Variants in MINDY2 observed in about 807,000 individuals in gnomAD.
MINDY2 encodes the protein MINDY lysine 48 deubiquitinase 2, also known as ubiquitin carboxyl-terminal hydrolase MINDY-2.
MINDY2 carries 52 observed loss-of-function variants against 68.2 expected under a neutral mutation model. The ratio of observed to expected loss-of-function variants is 0.76; its 90% CI spans 0.61 to 0.96. The LOEUF (loss-of-function observed/expected upper bound fraction) is 0.96, where lower values mean the gene tolerates loss of function less well. MINDY2 is among the 40% of genes least tolerant of loss of function. MINDY2 has a pLI of 0.00. For synonymous variants in MINDY2, 372 were observed against 303.0 expected, an observed-to-expected ratio of 1.23 and a Z score of -2.36; for missense variants, 881 against 773.4, an observed-to-expected ratio of 1.14 and a Z score of -1.65.
At chr15:58,852,287 C>CAAAAAAAAAAA (rs60365490) in intron 8 of MINDY2, among the ~76,000 whole-genome samples, 33,142 of 61,666 alleles carry the variant, frequency 0.54, 12,250 homozygotes, top group Non-Finnish European at 0.67. Flanking sequence ...GACTCCTTCT[C>CAAAAAAAAAAA]AAAAAAAAAA....
At chr15:58,792,898 A>G (rs1302328370) in intron 2 of MINDY2, among the ~76,000 whole-genome samples, 1 of 152,120 alleles carries the variant, frequency 6.6e-6, no homozygotes, top group African/African-American at 2.4e-5. Flanking sequence ...GCTACTTGGG[A>G]GGCTGAGGTG....
At chr15:58,846,624 A>G (rs577450188) in intron 6 of MINDY2, among the ~76,000 whole-genome samples, 2 of 151,828 alleles carry the variant, frequency 1.3e-5, no homozygotes, top group East Asian at 3.9e-4. Context: ...AATCTCATGT[A>G]ACCCACAAAT....
chr15:58,771,639 T>C lies in MINDY2; in HGVS notation c.244T>C (p.Ser82Pro). 1 of 1,612,264 alleles carries C rather than the reference T, an allele frequency of 6.2e-7. No homozygotes were observed. Among genetic ancestry groups the C allele is most frequent in the Non-Finnish European group, 8.5e-7 (1 of 1,179,858 alleles). Residue 82 changes from serine (S) to proline (P), a missense_variant, in exon 1 of 9, where the codon TCC (serine) becomes CCC (proline). Physicochemically the swap from Ser to Pro is moderately conservative, Grantham distance 74. Transcript: ENST00000559228. ...TGAGGTTCCCGGACCCTGCAGCTCC[T>C]CCGCGGGTTTGGACTTGAAGGACAG... ...SPEVPGPCSS[S>P]AGLDLKDSGL...
intron 1 of MINDY2, among the ~76,000 whole-genome samples, chr15:58,780,402 CA>C (rs1339111068): frequency 1.1e-3 from 141 of 128,518 alleles, no homozygotes; most frequent in South Asian, 1.2e-3. Flanking sequence ...AACTCCATCT[CA>C]AAAAAAAAAA....
At chr15:58,796,105 A>G (rs1902264680) in intron 2 of MINDY2, 1 of 455,858 alleles carries the variant, frequency 2.2e-6, no homozygotes, top group East Asian at 6.9e-5. Flanking sequence ...GAGGCAAGGA[A>G]ATGGAGCCTC....
chr15:58,856,018 A>T lies in MINDY2; in HGVS notation c.*1408A>T. ...ATAAAACTATAACCTCATAGTGTTT[A>T]TAAGAACTCAGAAATAATATTTATT... On this transcript the variant is annotated 3_prime_UTR_variant, in exon 9 of 9. Transcript: ENST00000559228. The T allele has an allele frequency of 6.6e-6, 1 of 152,656 alleles. No homozygotes were observed. The highest frequency in any genetic ancestry group is 1.9e-4 in the East Asian group (1 of 5,202). The allele number at this position is 152,656 out of a possible 1,614,324, so 9.5% of individuals were successfully genotyped here. A position where few individuals can be genotyped will look rare whatever the true frequency, so the allele number is the denominator to read the frequency against.
chr15:58,847,249 GT>G, intron 6 of MINDY2, 47 bp from the exon 7 acceptor site: 1 of 1,430,082 alleles, frequency 7.0e-7, no homozygotes, highest in Non-Finnish European at 9.5e-7. Flanking sequence ...TATATTACTA[GT>G]TTTGATCAAT....
chr15:58,801,405 A>G (rs1444388571), intron 2 of MINDY2, among the ~76,000 whole-genome samples: 11 of 130,734 alleles, frequency 8.4e-5, no homozygotes, highest in Admixed American at 7.9e-4. Context: ...AAAAAAAAAA[A>G]AAAAGATGAT....
At chr15:58,852,984 A>C (rs2032910023) in intron 8 of MINDY2, among the ~76,000 whole-genome samples, 1 of 66,854 alleles carries the variant, frequency 1.5e-5, no homozygotes, top group African/African-American at 5.1e-5. Context: ...ACAGAGTCTC[A>C]CTCTGTTGCC....
At chr15:58,844,261 T>C (rs1393636534) in intron 6 of MINDY2, among the ~76,000 whole-genome samples, 2 of 152,064 alleles carry the variant, frequency 1.3e-5, no homozygotes, top group East Asian at 1.9e-4. Flanking sequence ...ATAATCTCCA[T>C]TGTTGGCCGG....
At chr15:58,793,009 A>T (rs1308852017) in intron 2 of MINDY2, among the ~76,000 whole-genome samples, 1 of 151,946 alleles carries the variant, frequency 6.6e-6, no homozygotes, top group Admixed American at 6.6e-5. Flanking sequence ...TCTCTAAAAA[A>T]TGAAAGTTTA....
intron 1 of MINDY2, among the ~76,000 whole-genome samples, chr15:58,779,512 GCA>G (rs1360551754): frequency 6.6e-6 from 1 of 152,158 alleles, no homozygotes; most frequent in Non-Finnish European, 1.5e-5. Flanking sequence ...TCCTGAAGTA[GCA>G]CAGAGCTCTT....
At chr15:58,828,092 G>A (rs1481132767) in intron 5 of MINDY2, among the ~76,000 whole-genome samples, 4 of 151,590 alleles carry the variant, frequency 2.6e-5, no homozygotes, top group Admixed American at 1.3e-4. Context: ...AAATTAGCTG[G>A]GTGTGCAGTG....
At chr15:58,811,077 G>A (rs771931576) in intron 4 of MINDY2, among the ~76,000 whole-genome samples, 1 of 152,218 alleles carries the variant, frequency 6.6e-6, no homozygotes, top group Non-Finnish European at 1.5e-5. Flanking sequence ...TAAACTGCAG[G>A]TGTGGCCCAA....
At chr15:58,851,050 T>C (rs188807587) in intron 7 of MINDY2, among the ~76,000 whole-genome samples, 1 of 152,206 alleles carries the variant, frequency 6.6e-6, no homozygotes, top group African/African-American at 2.4e-5. Context: ...CTCAGCTCAC[T>C]GCAACCTCTG....
intron 2 of MINDY2, among the ~76,000 whole-genome samples, chr15:58,791,543 G>A (rs374865): frequency 0.016 from 2,417 of 150,402 alleles, 57 homozygotes; most frequent in African/African-American, 0.049. Flanking sequence ...CTTGGGCCTG[G>A]GATCCAGAGG....
At chr15:58,788,193 G>A (rs1353379060) in intron 2 of MINDY2, among the ~76,000 whole-genome samples, 5 of 152,138 alleles carry the variant, frequency 3.3e-5, no homozygotes, top group African/African-American at 9.7e-5. Flanking sequence ...TCTAGGTAAC[G>A]TCTAGAAAAC....
At chr15:58,777,726 A>G (rs1041145621) in intron 1 of MINDY2, among the ~76,000 whole-genome samples, 8 of 152,152 alleles carry the variant, frequency 5.3e-5, no homozygotes, top group African/African-American at 1.9e-4. Context: ...TCGAGCTCAA[A>G]TTTGTAATTT....
At chr15:58,780,175 C>G (rs1244214667) in intron 1 of MINDY2, among the ~76,000 whole-genome samples, 3 of 152,086 alleles carry the variant, frequency 2.0e-5, no homozygotes, top group Non-Finnish European at 2.9e-5. Flanking sequence ...GAGGCCGAGG[C>G]AGGCGGATCA....
Sources: allele counts gnomAD v4.1 joint callset (sites outside exome capture counted in the v4.1 genomes callset), GRCh38; gene constraint gnomAD v4.1.1; transcripts MANE v1.5; gene names NCBI Gene and HGNC (gene_info 2026-07-23, HGNC 2026-07-21).